Variants in TAS2R1 observed in about 807,000 individuals in gnomAD.
The protein encoded by TAS2R1 is taste receptor type 2 member 1.
For synonymous variants in TAS2R1, 141 were observed against 134.2 expected, an observed-to-expected ratio of 1.05 and a Z score of -0.35; for missense variants, 370 against 353.4, an observed-to-expected ratio of 1.05 and a Z score of -0.38.
intron 1 of TAS2R1, among the ~76,000 whole-genome samples, chr5:9,665,047 A>G (rs1221238987): frequency 1.3e-5 from 2 of 152,186 alleles, no homozygotes; most frequent in Admixed American, 1.3e-4. Context: ...TCCAACACAG[A>G]ACAGATGGAT....
chr5:9,861,221 T>C, the TAS2R1 span, among the ~76,000 whole-genome samples: 4 of 151,928 alleles, frequency 2.6e-5, no homozygotes, highest in Admixed American at 2.6e-4. Flanking sequence ...CCTTCCCCCT[T>C]AGTGGACATT....
chr5:9,694,244 GA>G (rs576422391), intron 1 of TAS2R1, among the ~76,000 whole-genome samples: 8 of 151,554 alleles, frequency 5.3e-5, no homozygotes, highest in Admixed American at 2.0e-4. Context: ...TTGTAACAAT[GA>G]AAAAAAACAA....
the TAS2R1 span, among the ~76,000 whole-genome samples, chr5:9,726,300 G>A: frequency 2.6e-5 from 4 of 152,130 alleles, no homozygotes; most frequent in African/African-American, 4.8e-5. Context: ...TGGGGAGGTG[G>A]AGAACCTTTG....
the TAS2R1 span, among the ~76,000 whole-genome samples, chr5:9,858,959 C>G: frequency 3.9e-5 from 6 of 152,178 alleles, no homozygotes; most frequent in Non-Finnish European, 5.9e-5. Context: ...GTTGGGTATA[C>G]AAAGTGGTAT....
At chr5:9,895,193 G>A in the TAS2R1 span, among the ~76,000 whole-genome samples, 5 of 152,144 alleles carry the variant, frequency 3.3e-5, no homozygotes, top group African/African-American at 1.2e-4. Flanking sequence ...GATTAAGGCA[G>A]TATGGCTTCT....
the TAS2R1 span, among the ~76,000 whole-genome samples, chr5:9,823,635 A>G: frequency 8.1e-6 from 1 of 124,072 alleles, no homozygotes; most frequent in Non-Finnish European, 1.7e-5. Context: ...AAAGGGAGGA[A>G]GGAAGGGAGG....
At chr5:9,711,005 A>C (rs1579795668) in intron 1 of TAS2R1, among the ~76,000 whole-genome samples, 1 of 148,954 alleles carries the variant, frequency 6.7e-6, no homozygotes, top group East Asian at 1.9e-4. Context: ...TTTAAAAAAC[A>C]GAAAATAAGT....
At chr5:9,673,244 G>A (rs74975625) in intron 1 of TAS2R1, among the ~76,000 whole-genome samples, 8,520 of 152,084 alleles carry the variant, frequency 0.056, 375 homozygotes, top group African/African-American at 0.12. Flanking sequence ...AAGCCCATGT[G>A]ACATGCAATT....
At chr5:9,849,601 G>A in the TAS2R1 span, among the ~76,000 whole-genome samples, 2 of 152,280 alleles carry the variant, frequency 1.3e-5, no homozygotes, top group East Asian at 1.9e-4. Flanking sequence ...CCCCTCCTCT[G>A]GGTTCCCAGA....
intron 1 of TAS2R1, among the ~76,000 whole-genome samples, chr5:9,694,745 T>C (rs1472601512): frequency 2.0e-5 from 3 of 152,250 alleles, no homozygotes; most frequent in African/African-American, 4.8e-5. Flanking sequence ...TAATAACTGT[T>C]GAAACAATTC....
chr5:9,711,337 A>G (rs192546955), intron 1 of TAS2R1, among the ~76,000 whole-genome samples: 37 of 152,348 alleles, frequency 2.4e-4, no homozygotes, highest in Non-Finnish European at 4.6e-4. Context: ...TCAGCCTTAC[A>G]AAGAACTGAA....
chr5:9,743,436 A>G, the TAS2R1 span, among the ~76,000 whole-genome samples: 1 of 152,146 alleles, frequency 6.6e-6, no homozygotes, highest in Non-Finnish European at 1.5e-5. Flanking sequence ...GTGATTCAGC[A>G]TTAGGTATAT....
At chr5:9,780,355 A>C in the TAS2R1 span, among the ~76,000 whole-genome samples, 1 of 152,194 alleles carries the variant, frequency 6.6e-6, no homozygotes, top group Non-Finnish European at 1.5e-5. Flanking sequence ...TACTACAGTT[A>C]CACAGGACCT....
chr5:9,854,577 G>A, the TAS2R1 span: 7 of 152,120 alleles, frequency 4.6e-5, no homozygotes, highest in African/African-American at 1.7e-4. Context: ...TCAATAATAT[G>A]TTCAAACTGC....
the TAS2R1 span, among the ~76,000 whole-genome samples, chr5:9,869,154 C>T: frequency 6.6e-6 from 1 of 152,178 alleles, no homozygotes; most frequent in East Asian, 1.9e-4. Context: ...GTTCCAAAGT[C>T]ACTTCCACAA....
At chr5:9,709,276 T>C (rs576100601) in intron 1 of TAS2R1, among the ~76,000 whole-genome samples, 2 of 152,240 alleles carry the variant, frequency 1.3e-5, no homozygotes, top group South Asian at 2.1e-4. Context: ...ATTGTTTCAA[T>C]TATAGGGCCT....
At chr5:9,680,707 G>A (rs1740976651) in intron 1 of TAS2R1, among the ~76,000 whole-genome samples, 1 of 152,046 alleles carries the variant, frequency 6.6e-6, no homozygotes, top group Non-Finnish European at 1.5e-5. Flanking sequence ...ACAACAAAAG[G>A]ATCAGAAACT....
chr5:9,690,176 C>T (rs1260910146), intron 1 of TAS2R1, among the ~76,000 whole-genome samples: 1 of 152,050 alleles, frequency 6.6e-6, no homozygotes, highest in Non-Finnish European at 1.5e-5. Context: ...AGAATGTTAC[C>T]CCGCTATTAA....
chr5:9,777,896 C>T, the TAS2R1 span, among the ~76,000 whole-genome samples: 8 of 112,062 alleles, frequency 7.1e-5, no homozygotes, highest in South Asian at 9.1e-4. Flanking sequence ...TTTTTTGAGA[C>T]GGAGTCTTGC....
Sources: gnomAD v4.1 joint callset for allele counts (sites outside exome capture counted in the v4.1 genomes callset) on GRCh38, gnomAD v4.1.1 for gene constraint, MANE v1.5 for transcripts, NCBI Gene and HGNC (gene_info 2026-07-23, HGNC 2026-07-21) for gene names.